The following SDK2 variants were observed in gnomAD, a reference collection of about 807,000 sequenced individuals.
The protein encoded by SDK2 is sidekick cell adhesion molecule 2.
SDK2 carries 105 observed loss-of-function variants against 253.9 expected under a neutral mutation model. The observed-to-expected ratio is 0.41, with a 90% CI of 0.35 to 0.49. The LOEUF is 0.49. Among genes scored for constraint, SDK2 ranks in the 20% least tolerant of loss-of-function variants. The pLI, the probability that SDK2 is intolerant of heterozygous loss-of-function variation, is 0.06. For missense variants in SDK2, 2,608 were observed against 3,003.0 expected (o/e 0.87, Z 3.07); for synonymous variants, 1,249 against 1,234.9 (o/e 1.01, Z -0.24).
intron 4 of SDK2, among the ~76,000 whole-genome samples, chr17:73,453,087 G>C (rs2063499992): frequency 6.6e-6 from 1 of 152,210 alleles, no homozygotes; most frequent in African/African-American, 2.4e-5. Context: ...GACTTTGCAG[G>C]TCCTGCTGCT....
chr17:73,348,526 C>G (rs941473585), intron 44 of SDK2, 73 bp downstream of exon 44: 5 of 1,542,630 alleles, frequency 3.2e-6, no homozygotes, highest in Admixed American at 3.7e-5. Context: ...GAAAGCCCAT[C>G]TACGTTCACT....
intron 1 of SDK2, among the ~76,000 whole-genome samples, chr17:73,620,632 T>G (rs1174952800): frequency 6.6e-6 from 1 of 152,192 alleles, no homozygotes; most frequent in Non-Finnish European, 1.5e-5. Flanking sequence ...AAAAGTCCAT[T>G]AACAAGTGCA....
chr17:73,365,453 G>A, intron 37 of SDK2, 58 bp from the exon 38 acceptor site: 1 of 1,514,584 alleles, frequency 6.6e-7, no homozygotes, highest in Non-Finnish European at 8.9e-7. Flanking sequence ...CAAAGCCTCG[G>A]GTTCAGCTCC....
At position 73,472,174 on chromosome 17, in the gene SDK2, CG is replaced by C; in HGVS notation, c.268del (p.Arg90ValfsTer56). On this transcript the variant is annotated frameshift_variant, in exon 3 of 45. Coordinates refer to ENST00000392650, the MANE Select transcript of SDK2 (RefSeq NM_001144952.2). LOFTEE classifies it high-confidence loss of function. ...CCCCATTCGGTTCCGCACGATGCAA[CG>C]GTAAAAGCCAGCGTGGGTGCGGTCC... Reference protein sequence around the residue: ...SLDRTHAGFYRCIVRNRMGAL... With the variant: ...SLDRTHAGFYXCIVRNRMGAL... The C allele has an allele frequency of 6.4e-7, 1 of 1,551,680 alleles. No individual in the cohort carries two copies. Among genetic ancestry groups the C allele is most frequent in the Non-Finnish European group, 8.7e-7 (1 of 1,146,992 alleles).
chr17:73,342,231 C>G (rs191449119), intron 44 of SDK2, among the ~76,000 whole-genome samples: 4 of 152,250 alleles, frequency 2.6e-5, no homozygotes, highest in African/African-American at 4.8e-5. Flanking sequence ...GACACTCCCC[C>G]GCCAGGACCT....
At chr17:73,369,396 G>C (rs1039956256) in intron 36 of SDK2, among the ~76,000 whole-genome samples, 4 of 152,384 alleles carry the variant, frequency 2.6e-5, no homozygotes, top group Admixed American at 2.0e-4. Context: ...CCGCTGCAGA[G>C]GAAGGCCTCG....
rs1275508497 is a variant in SDK2, at chr17:73,387,914, G to T, written c.4316C>A (p.Thr1439Asn). ...CCACCTGCCGCTGGGCAGCTCGCGG[G>T]TCTGGATGGTGTAGTAGCGCACAGG... ...LSPVRYYTIQ[T>N]RELPSGRWAL... The change falls in exon 30 of 45, where the codon ACC becomes AAC. Residue 1439 changes from threonine (T) to asparagine (N), a missense_variant. Physicochemically the swap from Thr to Asn is moderately conservative, Grantham distance 65 (BLOSUM62 0). Around this residue, in one of 2 missense-constraint regions of SDK2, gnomAD observed 1,103 missense variants for 1,143.9 expected, o/e 0.96. Transcript: ENST00000392650. 6 of 1,590,456 alleles carry T rather than the reference G, an allele frequency of 3.8e-6. No individual in the cohort carries two copies. Among genetic ancestry groups the T allele is most frequent in the Non-Finnish European group, 5.1e-6 (6 of 1,169,274 alleles).
intron 1 of SDK2, among the ~76,000 whole-genome samples, chr17:73,604,632 A>T (rs911584283): frequency 6.6e-6 from 1 of 152,212 alleles, no homozygotes; most frequent in African/African-American, 2.4e-5. Flanking sequence ...GTGACCCAGC[A>T]TGAGGAGTGC....
At chr17:73,390,111 T>C (rs1236425340) in intron 29 of SDK2, among the ~76,000 whole-genome samples, 176 bp downstream of exon 29, 1 of 152,208 alleles carries the variant, frequency 6.6e-6, no homozygotes, top group African/African-American at 2.4e-5. Flanking sequence ...TTGCGGCTCA[T>C]CTCTGGGAGT....
At chr17:73,535,205 T>A (rs1224118964) in intron 1 of SDK2, among the ~76,000 whole-genome samples, 1 of 152,150 alleles carries the variant, frequency 6.6e-6, no homozygotes, top group Non-Finnish European at 1.5e-5. Flanking sequence ...CTGCGTACAT[T>A]TCCCATCCCA....
chr17:73,545,790 C>T (rs540226191), intron 1 of SDK2, among the ~76,000 whole-genome samples: 13 of 152,254 alleles, frequency 8.5e-5, no homozygotes, highest in African/African-American at 3.1e-4. Flanking sequence ...CCTGTCTGTC[C>T]AGGACTGGTT....
rs566910468 is a variant in SDK2, at chr17:73,641,596, A to C, written c.64+2429T>G. Among the ~76,000 whole-genome samples, 230 of 131,496 alleles carry C rather than the reference A, an allele frequency of 1.7e-3. 1 individual carries two copies. Among genetic ancestry groups the C allele is most frequent in the Non-Finnish European group, 2.2e-3 (139 of 62,024 alleles). 86.3% of individuals were successfully genotyped at this position (131,496 alleles called of 152,430 possible). Reference sequence around the variant, plus strand: ...GGTCCAGCACCCACCCCCCATCCCCAAAAAAAACCAACCAGGCTAGGCTCA... The same window carrying C: ...GGTCCAGCACCCACCCCCCATCCCCCAAAAAAACCAACCAGGCTAGGCTCA... On this transcript the variant is annotated intron_variant, in intron 1 of 44. Transcript: ENST00000392650.
At chr17:73,633,945 G>C (rs569653715) in intron 1 of SDK2, among the ~76,000 whole-genome samples, 1 of 152,298 alleles carries the variant, frequency 6.6e-6, no homozygotes, top group East Asian at 1.9e-4. Context: ...CTTGGTGGAA[G>C]GCTGGCGTGG....
At chr17:73,583,431 C>T (rs1257198357) in intron 1 of SDK2, among the ~76,000 whole-genome samples, 1 of 152,158 alleles carries the variant, frequency 6.6e-6, no homozygotes, top group Non-Finnish European at 1.5e-5. Flanking sequence ...CCTTCTGGAA[C>T]AGTCCCTGCA....
intron 1 of SDK2, among the ~76,000 whole-genome samples, chr17:73,581,602 TG>T (rs1447227520): frequency 1.3e-5 from 2 of 152,228 alleles, no homozygotes; most frequent in Non-Finnish European, 2.9e-5. Context: ...ATTCATCAGT[TG>T]GTGCTCGCTG....
At chr17:73,369,469 G>A (rs933698593) in intron 36 of SDK2, among the ~76,000 whole-genome samples, 1 of 152,244 alleles carries the variant, frequency 6.6e-6, no homozygotes, top group Non-Finnish European at 1.5e-5. Context: ...GCGGGACCTG[G>A]CCAGCTGACT....
In SDK2 at chr17:73,395,043, C is replaced by T; in HGVS notation, c.3592+112G>A. On this transcript the variant is annotated intron_variant, in intron 25 of 44. Coordinates refer to ENST00000392650, the MANE Select transcript of SDK2 (RefSeq NM_001144952.2). This position sits in a 1 kb window ranked among gnomAD's most constrained non-coding sequence, Gnocchi z 4.3. ...TGAGCATAAGCAGAGGAAATGAGCT[C>T]AGGCTGTTTTTGAACAACACCTTCA... is the stretch of plus-strand genomic sequence containing the variant. 1.3e-6 allele frequency: 1 copy of T among 769,178 alleles called. No individual in the cohort carries two copies. Among genetic ancestry groups the T allele is most frequent in the Non-Finnish European group, 2.1e-6 (1 of 476,538 alleles). The allele number at this position is 769,178 out of a possible 1,614,324, so 47.6% of individuals were successfully genotyped here. A position where few individuals can be genotyped will look rare whatever the true frequency, so the allele number is the denominator to read the frequency against.
At chr17:73,574,202 C>A (rs879862449) in intron 1 of SDK2, among the ~76,000 whole-genome samples, 3 of 152,220 alleles carry the variant, frequency 2.0e-5, no homozygotes, top group Admixed American at 6.5e-5. Flanking sequence ...GCTCCTGTCC[C>A]TTCAGCCCCT....
intron 3 of SDK2, among the ~76,000 whole-genome samples, chr17:73,458,458 T>C (rs2063543023): frequency 6.6e-6 from 1 of 152,238 alleles, no homozygotes; most frequent in Non-Finnish European, 1.5e-5. Context: ...ACACAATCGT[T>C]TGAGAATGCG....
Sources: allele counts gnomAD v4.1 joint callset (sites outside exome capture counted in the v4.1 genomes callset), GRCh38; gene constraint gnomAD v4.1.1; regional missense constraint gnomAD v4.1.1; non-coding constraint Gnocchi (gnomAD v3.1); transcripts MANE v1.5; gene names NCBI Gene and HGNC (gene_info 2026-07-23, HGNC 2026-07-21).